Variants in ZNF407 observed in about 807,000 individuals in gnomAD.
The protein encoded by ZNF407 is zinc finger protein 407.
Under a neutral mutation model 131.2 loss-of-function variants are expected in ZNF407, and 17 were observed. That is an observed-to-expected ratio of 0.13 (90% CI 0.09 to 0.19). ZNF407 has a LOEUF of 0.19. Ranked by LOEUF, ZNF407 falls within the 10% of genes least tolerant of loss-of-function variation. The pLI, the probability that ZNF407 is intolerant of heterozygous loss-of-function variation, is 1.00. For missense variants in ZNF407, 2,681 were observed against 2,830.6 expected, an observed-to-expected ratio of 0.95 and a Z score of 1.20; for synonymous variants, 1,156 against 1,062.0, an observed-to-expected ratio of 1.09 and a Z score of -1.72.
chr18:74,822,288 T>TCCCA (rs1425801887), intron 4 of ZNF407, among the ~76,000 whole-genome samples: 1 of 152,226 alleles, frequency 6.6e-6, no homozygotes, highest in African/African-American at 2.4e-5. Context: ...CATTTGTCAA[T>TCCCA]TTTGGCTTTT....
chr18:74,634,437 A>G lies in ZNF407; in HGVS notation c.3418A>G (p.Lys1140Glu), dbSNP rs752044312. ...LNENTNLDMS[K>E]VLCAADSVEV... The stretch of plus-strand genomic sequence containing the variant: ...TGAGAATACTAATTTAGATATGTCT[A>G]AAGTGCTCTGCGCTGCTGACTCTGT... Residue 1140 changes from lysine (K) to glutamate (E), a missense_variant, in exon 2 of 9, where the codon AAA (lysine) becomes GAA (glutamate). Transcript: ENST00000299687. 7.4e-6 allele frequency: 12 copies of G among 1,613,708 alleles called. No individual in the cohort carries two copies. Among genetic ancestry groups the G allele is most frequent in the South Asian group, 3.3e-5 (3 of 91,080 alleles).
chr18:74,832,334 G>A (rs1970497057), intron 4 of ZNF407, among the ~76,000 whole-genome samples: 1 of 152,134 alleles, frequency 6.6e-6, no homozygotes, highest in South Asian at 2.1e-4. Context: ...TCAACCTTGT[G>A]ATGTGTTGAT....
At chr18:75,001,510 C>T (rs563909549) in intron 8 of ZNF407, among the ~76,000 whole-genome samples, 1 of 151,998 alleles carries the variant, frequency 6.6e-6, no homozygotes, top group Non-Finnish European at 1.5e-5. Flanking sequence ...ATGAAAAATG[C>T]CAGTTGTTAA....
intron 4 of ZNF407, among the ~76,000 whole-genome samples, chr18:74,850,567 T>A (rs896454830): frequency 6.6e-6 from 1 of 152,230 alleles, no homozygotes. Flanking sequence ...ATATTTTTAT[T>A]TCTTAAATGT....
chr18:74,688,882 G>T (rs1967156362), intron 3 of ZNF407, among the ~76,000 whole-genome samples: 1 of 152,096 alleles, frequency 6.6e-6, no homozygotes, highest in African/African-American at 2.4e-5. Context: ...AGGCTAGAGT[G>T]CAGTGGCGCA....
intron 8 of ZNF407, among the ~76,000 whole-genome samples, chr18:74,973,935 A>G (rs975921374): frequency 2.6e-5 from 4 of 152,186 alleles, no homozygotes; most frequent in Non-Finnish European, 5.9e-5. Flanking sequence ...CTTCTTAACT[A>G]ATTAACATCT....
At chr18:74,783,443 AGTT>A in intron 4 of ZNF407, among the ~76,000 whole-genome samples, 1 of 152,280 alleles carries the variant, frequency 6.6e-6, no homozygotes, top group Admixed American at 6.5e-5. Flanking sequence ...CACAGGGAAA[AGTT>A]GATCTCCCCA....
At chr18:75,051,720 G>A (rs1973502994) in intron 8 of ZNF407, among the ~76,000 whole-genome samples, 1 of 152,214 alleles carries the variant, frequency 6.6e-6, no homozygotes, top group Non-Finnish European at 1.5e-5. Flanking sequence ...GAATTAACAA[G>A]TGTTGCTCAA....
chr18:74,613,627 G>A (rs956399643), intron 1 of ZNF407, among the ~76,000 whole-genome samples: 3 of 152,178 alleles, frequency 2.0e-5, no homozygotes, highest in African/African-American at 7.2e-5. Flanking sequence ...TCCCTTATGG[G>A]GAAATACAGA....
At chr18:74,720,956 G>A (rs1163220566) in intron 3 of ZNF407, among the ~76,000 whole-genome samples, 1 of 147,712 alleles carries the variant, frequency 6.8e-6, no homozygotes, top group Non-Finnish European at 1.5e-5. Flanking sequence ...CTTTTTCTCA[G>A]GATTGCTTTG....
chr18:74,838,227 T>G (rs559280950), intron 4 of ZNF407, among the ~76,000 whole-genome samples: 1 of 152,306 alleles, frequency 6.6e-6, no homozygotes, highest in South Asian at 2.1e-4. Context: ...AAGAATATAT[T>G]TTTAGATAGG....
chr18:74,909,646 C>T (rs17055904), intron 7 of ZNF407, among the ~76,000 whole-genome samples: 1,916 of 152,144 alleles, frequency 0.013, 35 homozygotes, highest in African/African-American at 0.043. Context: ...TTCCTGAACA[C>T]GGATCTCCTC....
intron 3 of ZNF407, among the ~76,000 whole-genome samples, chr18:74,666,735 T>C (rs546508315): frequency 1.3e-5 from 2 of 152,280 alleles, no homozygotes; most frequent in East Asian, 3.9e-4. Flanking sequence ...CCCAGTTCTG[T>C]AGGTCAGAAG....
chr18:74,713,206 A>G (rs1487506794), intron 3 of ZNF407, among the ~76,000 whole-genome samples: 1 of 152,114 alleles, frequency 6.6e-6, no homozygotes, highest in East Asian at 1.9e-4. Context: ...GGAAAGGAAC[A>G]CACCAGGGGT....
At chr18:74,916,620 C>T (rs1167779373) in intron 7 of ZNF407, among the ~76,000 whole-genome samples, 3 of 75,110 alleles carry the variant, frequency 4.0e-5, no homozygotes, top group African/African-American at 1.8e-4. Context: ...AGCATTGGTT[C>T]GAATCGGGAG....
intron 4 of ZNF407, among the ~76,000 whole-genome samples, chr18:74,829,835 A>T (rs976007910): frequency 6.6e-6 from 1 of 151,684 alleles, no homozygotes; most frequent in African/African-American, 2.4e-5. Context: ...TATTTACAAA[A>T]TTTTTTAATT....
intron 8 of ZNF407, among the ~76,000 whole-genome samples, chr18:74,934,677 G>A (rs575881749): frequency 3.9e-4 from 59 of 152,286 alleles, no homozygotes; most frequent in African/African-American, 1.4e-3. Context: ...ATGGTGGCGC[G>A]TGCCTGTAAT....
chr18:74,676,574 C>A (rs556261370), intron 3 of ZNF407, among the ~76,000 whole-genome samples: 5 of 151,518 alleles, frequency 3.3e-5, no homozygotes, highest in East Asian at 2.0e-4. Flanking sequence ...GTAGCTGGGA[C>A]TACAGGCGCC....
At chr18:74,886,625 TGAGA>T (rs1971313749) in intron 6 of ZNF407, among the ~76,000 whole-genome samples, 2 of 152,204 alleles carry the variant, frequency 1.3e-5, no homozygotes, top group Admixed American at 1.3e-4. Context: ...ATAATTATGC[TGAGA>T]GAAAGAGTCC....
Sources: gnomAD v4.1 joint callset for allele counts (sites outside exome capture counted in the v4.1 genomes callset) on GRCh38, gnomAD v4.1.1 for gene constraint, MANE v1.5 for transcripts, NCBI Gene and HGNC (gene_info 2026-07-23, HGNC 2026-07-21) for gene names.